PALS1: variants seen among roughly 807,000 people sequenced by gnomAD.
PALS1 encodes the protein protein associated with LIN7 1, MAGUK p55 family member.
PALS1 carries 31 observed loss-of-function variants against 78.9 expected under a neutral mutation model. The observed-to-expected ratio is 0.39, with a 90% CI of 0.30 to 0.53. The LOEUF (loss-of-function observed/expected upper bound fraction) is 0.53. PALS1 is among the 20% of genes least tolerant of loss of function. The pLI, the probability that PALS1 is intolerant of heterozygous loss-of-function variation, is 0.67. For missense variants in PALS1, 704 were observed against 826.5 expected, an observed-to-expected ratio of 0.85 and a Z score of 1.82; for synonymous variants, 276 against 270.9, an observed-to-expected ratio of 1.02 and a Z score of -0.18.
intron 14 of PALS1, among the ~76,000 whole-genome samples, chr14:67,330,942 A>T (rs1000206966): frequency 1.3e-5 from 2 of 152,104 alleles, no homozygotes; most frequent in Admixed American, 6.5e-5. Flanking sequence ...TTTCTTGGTG[A>T]ATGTTCTGTG....
chr14:67,277,242 G>A (rs1003938588), intron 2 of PALS1, among the ~76,000 whole-genome samples: 1 of 152,132 alleles, frequency 6.6e-6, no homozygotes, highest in Admixed American at 6.5e-5. Flanking sequence ...AGGTGCTTAC[G>A]TGTAGATCAC....
At chr14:67,255,729 G>A (rs2084135030) in intron 1 of PALS1, among the ~76,000 whole-genome samples, 1 of 152,224 alleles carries the variant, frequency 6.6e-6, no homozygotes, top group Admixed American at 6.5e-5. Flanking sequence ...TGCCCAGGCT[G>A]TAGTGCAGTA....
intron 1 of PALS1, among the ~76,000 whole-genome samples, chr14:67,258,016 T>G (rs1274607777): frequency 6.6e-6 from 1 of 152,060 alleles, no homozygotes; most frequent in Non-Finnish European, 1.5e-5. Context: ...GGGAAAAATC[T>G]CTCTCCTCTT....
intron 3 of PALS1, among the ~76,000 whole-genome samples, chr14:67,283,906 G>A (rs961171279): frequency 6.6e-6 from 1 of 152,186 alleles, no homozygotes; most frequent in Non-Finnish European, 1.5e-5. Flanking sequence ...TTGCTTCGTT[G>A]TCTTACGGCA....
chr14:67,290,854 G>A (rs1287133621), intron 3 of PALS1, among the ~76,000 whole-genome samples: 1 of 152,146 alleles, frequency 6.6e-6, no homozygotes, highest in Non-Finnish European at 1.5e-5. Flanking sequence ...TATTTAATAA[G>A]TGGTACTAGA....
intron 2 of PALS1, among the ~76,000 whole-genome samples, chr14:67,274,672 G>A (rs908560034): frequency 1.3e-5 from 2 of 152,170 alleles, no homozygotes; most frequent in Admixed American, 6.6e-5. Flanking sequence ...GTCATTGGTA[G>A]CTTGATGGGG....
chr14:67,301,642 G>A (rs969955629), intron 5 of PALS1, among the ~76,000 whole-genome samples, 176 bp downstream of exon 5: 1 of 152,100 alleles, frequency 6.6e-6, no homozygotes. Context: ...GATTTAAAAT[G>A]AACCAAATTA....
intron 1 of PALS1, among the ~76,000 whole-genome samples, chr14:67,242,277 C>G (rs2083917573): frequency 6.6e-6 from 1 of 152,108 alleles, no homozygotes. Flanking sequence ...GCAGTTTATG[C>G]TAAAATTAAA....
At chr14:67,303,361 A>G (rs534476189) in intron 7 of PALS1, among the ~76,000 whole-genome samples, 161 bp from the exon 8 acceptor site, 3 of 152,324 alleles carry the variant, frequency 2.0e-5, no homozygotes, top group African/African-American at 7.2e-5. Context: ...ACTTATTTTC[A>G]TCCAGCCCCA....
chr14:67,302,402 A>T lies in PALS1; in HGVS notation c.802-8A>T, dbSNP rs369171284. ...TTATTTTTAAATTATACATATATAT[A>T]TTTTTAGGGTGCTACAGTTCGTAAT... On this transcript the variant is annotated splice_region_variant and splice_polypyrimidine_tract_variant and intron_variant, in intron 6 of 14. Transcript: ENST00000261681. 2.8e-3 allele frequency: 4,194 copies of T among 1,517,370 alleles called. 7 individuals carry two copies. The highest frequency in any genetic ancestry group is 3.1e-3 in the Non-Finnish European group (3,503 of 1,125,240). 94.0% of individuals were successfully genotyped at this position (1,517,370 alleles called of 1,614,324 possible). A position where few individuals can be genotyped will look rare whatever the true frequency, so the allele number is the denominator to read the frequency against.
chr14:67,304,995 C>A (rs1048477904), intron 8 of PALS1, among the ~76,000 whole-genome samples: 1 of 152,096 alleles, frequency 6.6e-6, no homozygotes, highest in Non-Finnish European at 1.5e-5. Context: ...ACAGAACATA[C>A]GGAAGTTGAT....
chr14:67,332,700 T>A, intron 14 of PALS1, 80 bp from the exon 15 acceptor site: 1 of 1,419,780 alleles, frequency 7.0e-7, no homozygotes, highest in South Asian at 1.4e-5. Context: ...TCGCTCCTTG[T>A]TCTTTGGCCA....
rs932796938 is a variant in PALS1 at position 67,302,647 on chromosome 14, A to T, written c.963+76A>T. 13 of 1,140,550 alleles carry T rather than the reference A, an allele frequency of 1.1e-5. 1 individual carries two copies. The Admixed American group carries it at 1.2e-4, about 10-fold the overall frequency. 70.7% of individuals were successfully genotyped at this position (1,140,550 alleles called of 1,614,324 possible). A position where few individuals can be genotyped will look rare whatever the true frequency, so the allele number is the denominator to read the frequency against. On this transcript the variant is annotated intron_variant, in intron 7 of 14. Coordinates refer to ENST00000261681, the MANE Select transcript of PALS1 (RefSeq NM_022474.4). ...TTAGACTTTAGAATAAAATATTTTT[A>T]AAATAACTGTTAAGAGCACTAGATG...
At chr14:67,243,744 C>T (rs190890790) in intron 1 of PALS1, among the ~76,000 whole-genome samples, 2,986 of 152,172 alleles carry the variant, frequency 0.02, 41 homozygotes, top group Middle Eastern at 0.034. Context: ...GATCCGCCCG[C>T]CTCGCCCTCC....
chr14:67,329,665 G>A (rs1422213098), intron 14 of PALS1, among the ~76,000 whole-genome samples: 1 of 151,896 alleles, frequency 6.6e-6, no homozygotes, highest in Admixed American at 6.6e-5. Context: ...CATCACTTGA[G>A]GCCAGGAGTT....
chr14:67,246,191 G>A (rs2083985824), intron 1 of PALS1, among the ~76,000 whole-genome samples: 1 of 151,556 alleles, frequency 6.6e-6, no homozygotes, highest in Non-Finnish European at 1.5e-5. Context: ...GTCCAGGCTG[G>A]AGTGCAGTGG....
At chr14:67,329,065 G>T (rs889048191) in intron 14 of PALS1, among the ~76,000 whole-genome samples, 1 of 152,076 alleles carries the variant, frequency 6.6e-6, no homozygotes, top group Admixed American at 6.5e-5. Flanking sequence ...AAATTACCTT[G>T]GGCAGTATGG....
chr14:67,322,529 T>C (rs2085277661), intron 13 of PALS1, among the ~76,000 whole-genome samples: 1 of 152,182 alleles, frequency 6.6e-6, no homozygotes, highest in South Asian at 2.1e-4. Context: ...TAAAGAGATG[T>C]ACATAAAGGA....
chr14:67,302,562 T>C lies in PALS1; in HGVS notation c.954T>C (p.Phe318=). 1 of 1,511,374 alleles carries C rather than the reference T, an allele frequency of 6.6e-7. No homozygotes were observed. Among genetic ancestry groups the C allele is most frequent in the South Asian group, 1.4e-5 (1 of 71,744 alleles). 93.6% of individuals were successfully genotyped at this position (1,511,374 alleles called of 1,614,324 possible). The stretch of plus-strand genomic sequence containing the variant: ...GGGGGAAAGATGTCAATGAGGTTTT[T>C]GACTTGTTGGTAAGTTGACGCAGCT... ...EIRGKDVNEV[F]DLLSDMHGTL... Residue 318 remains phenylalanine (F), a synonymous_variant, in exon 7 of 15, where the codon TTT becomes TTC. Coordinates refer to ENST00000261681, the MANE Select transcript of PALS1 (RefSeq NM_022474.4).
Sources: gnomAD v4.1 joint callset for allele counts (sites outside exome capture counted in the v4.1 genomes callset) on GRCh38, gnomAD v4.1.1 for gene constraint, MANE v1.5 for transcripts, NCBI Gene and HGNC (gene_info 2026-07-23, HGNC 2026-07-21) for gene names.